The following NBEAL1 variants were observed in gnomAD, a reference collection of about 807,000 sequenced individuals.
The protein encoded by NBEAL1 is neurobeachin-like protein 1.
In NBEAL1, 273 loss-of-function variants were observed where a neutral mutation model predicts 351.3. That is an observed-to-expected ratio of 0.78 (90% CI 0.70 to 0.86). The LOEUF is 0.86. Among genes scored for constraint, NBEAL1 ranks in the 40% least tolerant of loss-of-function variants. The pLI, the probability that NBEAL1 is intolerant of heterozygous loss-of-function variation, is 0.00. For synonymous variants in NBEAL1, 1,050 were observed against 1,086.4 expected, an observed-to-expected ratio of 0.97 and a Z score of 0.66; for missense variants, 2,961 against 3,201.3, an observed-to-expected ratio of 0.92 and a Z score of 1.81.
rs144053844 is a variant in NBEAL1, at chr2:203,217,528, A to G, written c.*174A>G. ...TAATTCTTGGTCTATACTAAGATGTATTTGAGAAAATACATTTGATTTGAT... is the reference window on the plus strand; with the variant it reads ...TAATTCTTGGTCTATACTAAGATGTGTTTGAGAAAATACATTTGATTTGAT... On this transcript the variant is annotated 3_prime_UTR_variant, in exon 56 of 56. Coordinates refer to ENST00000683969, the MANE Select transcript of NBEAL1 (RefSeq NM_001378026.1). The G allele has an allele frequency of 3.3e-4, 395 of 1,208,814 alleles. 5 individuals carry two copies. In the East Asian group the frequency reaches 0.012, roughly 38 times the overall value. 74.9% of individuals were successfully genotyped at this position (1,208,814 alleles called of 1,614,324 possible).
chr2:203,124,312 A>G (rs2062892716), intron 19 of NBEAL1, among the ~76,000 whole-genome samples: 1 of 152,186 alleles, frequency 6.6e-6, no homozygotes, highest in South Asian at 2.1e-4. Context: ...CAGCTGAGTG[A>G]CAGAGCGAAA....
At chr2:203,152,472 C>T (rs1369554092) in intron 35 of NBEAL1, among the ~76,000 whole-genome samples, 2 of 151,264 alleles carry the variant, frequency 1.3e-5, no homozygotes, top group African/African-American at 4.9e-5. Flanking sequence ...CACCTGTAAT[C>T]CCAGCTACTC....
Position 203,138,330 on chromosome 2 carries a change from C to T in NBEAL1, c.4719+15C>T, listed in dbSNP as rs2063275135. 2 of 1,587,158 alleles carry T rather than the reference C, an allele frequency of 1.3e-6. No individual in the cohort carries two copies. Among genetic ancestry groups the T allele is most frequent in the East Asian group, 2.2e-5 (1 of 44,710 alleles). ...GGACCGAGAAGGTGCAGTAATATCT[C>T]TTTAAAATTATATTTTGGGTAGTTA... On this transcript the variant is annotated intron_variant, in intron 30 of 55. Transcript: ENST00000683969.
intron 13 of NBEAL1, 23 bp from the exon 14 acceptor site, chr2:203,107,585 T>C: frequency 6.5e-7 from 1 of 1,547,792 alleles, no homozygotes; most frequent in Non-Finnish European, 8.7e-7. Context: ...AACTAACCTT[T>C]TATCTTTTAT....
intron 7 of NBEAL1, among the ~76,000 whole-genome samples, chr2:203,075,316 G>C (rs939503840): frequency 2.0e-5 from 3 of 152,116 alleles, no homozygotes; most frequent in African/African-American, 7.2e-5. Context: ...TCCTTGCCTT[G>C]ATTATATTTC....
intron 15 of NBEAL1, among the ~76,000 whole-genome samples, chr2:203,111,283 C>T (rs1488055321): frequency 6.6e-6 from 1 of 152,076 alleles, no homozygotes; most frequent in Non-Finnish European, 1.5e-5. Context: ...TGCACTCAAG[C>T]CTCAGCTATA....
At chr2:203,169,013 G>A (rs924778785) in intron 38 of NBEAL1, among the ~76,000 whole-genome samples, 2 of 151,780 alleles carry the variant, frequency 1.3e-5, no homozygotes, top group South Asian at 2.1e-4. Flanking sequence ...GTACTATAAG[G>A]ATAGGTATTA....
intron 2 of NBEAL1, among the ~76,000 whole-genome samples, chr2:203,028,365 CT>C (rs1214818186): frequency 6.6e-6 from 1 of 151,862 alleles, no homozygotes; most frequent in African/African-American, 2.4e-5. Context: ...TAATATTTTA[CT>C]TTTATGCTGA....
chr2:203,151,027 G>A (rs2063636705), intron 34 of NBEAL1, among the ~76,000 whole-genome samples: 1 of 152,148 alleles, frequency 6.6e-6, no homozygotes, highest in Non-Finnish European at 1.5e-5. Context: ...AATGTGAGCA[G>A]TTTTATAAAA....
chr2:203,175,389 T>C lies in NBEAL1; in HGVS notation c.6464+102T>C, dbSNP rs191523695. On this transcript the variant is annotated intron_variant, in intron 42 of 55. Coordinates refer to ENST00000683969, the MANE Select transcript of NBEAL1 (RefSeq NM_001378026.1). ...GTGTAACATGTCTTTTTTATTCTCC[T>C]GTATTAAATTTTGATCAGCTAAAAA... is the stretch of plus-strand genomic sequence containing the variant. 231 of 1,198,736 alleles carry C rather than the reference T, an allele frequency of 1.9e-4. 1 individual carries two copies. The African/African-American group carries it at 2.6e-3, about 13-fold the overall frequency. The allele number at this position is 1,198,736 out of a possible 1,614,324, so 74.3% of individuals were successfully genotyped here.
At chr2:203,057,152 A>G (rs530712905) in intron 5 of NBEAL1, among the ~76,000 whole-genome samples, 174 bp from the exon 6 acceptor site, 13 of 152,168 alleles carry the variant, frequency 8.5e-5, no homozygotes, top group Non-Finnish European at 1.8e-4. Flanking sequence ...GTGTTTGGCT[A>G]TTTATTTTAA....
chr2:203,136,351 T>C lies in NBEAL1; in HGVS notation c.4389+99T>C, dbSNP rs573711793. 206 of 946,740 alleles carry C rather than the reference T, an allele frequency of 2.2e-4. 1 individual carries two copies. In the African/African-American group the frequency reaches 2.6e-3, roughly 12 times the overall value. 58.6% of individuals were successfully genotyped at this position (946,740 alleles called of 1,614,324 possible). ...GTGAGCAGTTGTTAACAATTTCATA[T>C]TGTATTCATGTTCTAAGTTTCATGA... is the stretch of plus-strand genomic sequence containing the variant. On this transcript the variant is annotated intron_variant, in intron 28 of 55. Transcript: ENST00000683969.
rs528382637 is a variant in NBEAL1 at position 203,058,299 on chromosome 2, G to A, written c.515+846G>A. 2.6e-5 allele frequency among the ~76,000 whole-genome samples: 4 copies of A among 152,186 alleles called. No individual in the cohort carries two copies. In the East Asian group the frequency reaches 7.7e-4, roughly 29 times the overall value. Reference sequence around the variant, plus strand: ...CTCCCGCCTTAGCCTCCCAAATACTGGGATTATAGACATGAACCACTGCAC... The same window carrying A: ...CTCCCGCCTTAGCCTCCCAAATACTAGGATTATAGACATGAACCACTGCAC... On this transcript the variant is annotated intron_variant, in intron 6 of 55. Transcript: ENST00000683969.
At chr2:203,082,155 A>G (rs2061885298) in intron 8 of NBEAL1, among the ~76,000 whole-genome samples, 1 of 152,224 alleles carries the variant, frequency 6.6e-6, no homozygotes, top group South Asian at 2.1e-4. Context: ...CTCATTTGCC[A>G]AACTTGGTCA....
chr2:203,200,886 T>G (rs199659285), intron 49 of NBEAL1, among the ~76,000 whole-genome samples: 20 of 152,214 alleles, frequency 1.3e-4, no homozygotes, highest in Non-Finnish European at 1.5e-5. Context: ...AGTACTGTTA[T>G]GTTTTGCAAG....
At chr2:203,143,929 T>G (rs1394891387) in intron 31 of NBEAL1, among the ~76,000 whole-genome samples, 1 of 151,900 alleles carries the variant, frequency 6.6e-6, no homozygotes, top group Non-Finnish European at 1.5e-5. Flanking sequence ...TGGGTTCCCT[T>G]TGCTGGACAC....
At chr2:203,206,517 C>T (rs2065569157) in intron 51 of NBEAL1, among the ~76,000 whole-genome samples, 1 of 152,156 alleles carries the variant, frequency 6.6e-6, no homozygotes, top group Admixed American at 6.5e-5. Flanking sequence ...ACCTCCCTGC[C>T]TGATTCTCCT....
At chr2:203,049,357 A>G (rs546802840) in intron 3 of NBEAL1, among the ~76,000 whole-genome samples, 2 of 152,170 alleles carry the variant, frequency 1.3e-5, no homozygotes, top group Non-Finnish European at 2.9e-5. Context: ...GCACCTGGCC[A>G]ACAGTTGACA....
intron 24 of NBEAL1, among the ~76,000 whole-genome samples, chr2:203,128,286 C>T (rs1336724604): frequency 7.7e-5 from 8 of 104,144 alleles, no homozygotes; most frequent in African/African-American, 2.5e-4. Flanking sequence ...TTTTTTTTTT[C>T]CGGTAAAGAC....
Sources: gnomAD v4.1 joint callset for allele counts (sites outside exome capture counted in the v4.1 genomes callset) on GRCh38, gnomAD v4.1.1 for gene constraint, MANE v1.5 for transcripts, NCBI Gene and HGNC (gene_info 2026-07-23, HGNC 2026-07-21) for gene names.